Variants in IFFO2 observed in about 807,000 individuals in gnomAD.
IFFO2 encodes intermediate filament family orphan 2.
A neutral mutation model predicts 53.5 loss-of-function variants in IFFO2; 19 were observed. The ratio of observed to expected loss-of-function variants is 0.36; its 90% CI spans 0.25 to 0.52. IFFO2 has a LOEUF of 0.52. IFFO2 is among the 20% of genes least tolerant of loss of function. The probability of loss-of-function intolerance (pLI) is 0.94; values close to 1 mark genes in which losing one functional copy is unlikely to be tolerated. For synonymous variants in IFFO2, 303 were observed against 313.6 expected, an observed-to-expected ratio of 0.97 and a Z score of 0.36; for missense variants, 570 against 727.4, an observed-to-expected ratio of 0.78 and a Z score of 2.49.
chr1:18,927,259 C>T (rs2148175093), intron 1 of IFFO2, among the ~76,000 whole-genome samples: 1 of 152,280 alleles, frequency 6.6e-6, no homozygotes, highest in Non-Finnish European at 1.5e-5. Flanking sequence ...GGAAATGGCC[C>T]ACACCTTGCG....
chr1:18,942,541 T>C (rs971817455), intron 1 of IFFO2, among the ~76,000 whole-genome samples: 5 of 152,160 alleles, frequency 3.3e-5, no homozygotes, highest in African/African-American at 2.4e-5. Flanking sequence ...ATGAGAGAAC[T>C]GAGGCTCAGA....
chr1:18,911,864 TG>T, intron 6 of IFFO2, 98 bp downstream of exon 6: 2 of 1,425,878 alleles, frequency 1.4e-6, no homozygotes, highest in Non-Finnish European at 1.9e-6. Context: ...AGCTGTGTGG[TG>T]GGGGCTGTAG....
intron 1 of IFFO2, among the ~76,000 whole-genome samples, chr1:18,925,813 TGGA>T (rs1371396645): frequency 6.0e-5 from 2 of 33,422 alleles, no homozygotes; most frequent in Non-Finnish European, 5.7e-5. Flanking sequence ...ATTGGTTGGA[TGGA>T]TGGATGGATG....
rs556332480 is a variant in IFFO2 at position 18,909,201 on chromosome 1, T to C, written c.1449-535A>G. 6.6e-5 allele frequency among the ~76,000 whole-genome samples: 10 copies of C among 152,236 alleles called. No homozygotes were observed. In the East Asian group the frequency reaches 1.9e-3, roughly 29 times the overall value. ...GGTCTGAAAGGCAAGGCTACGGCCC[T>C]GCACACAGATCTGGCCCCCACAGAG... On this transcript the variant is annotated intron_variant, in intron 8 of 8. Transcript: ENST00000455833.
chr1:18,952,805 T>C (rs562317128), intron 1 of IFFO2, among the ~76,000 whole-genome samples: 1 of 152,350 alleles, frequency 6.6e-6, no homozygotes, highest in South Asian at 2.1e-4. Context: ...GTGAATTTAC[T>C]CATCTTGACT....
chr1:18,941,823 C>T (rs539554258), intron 1 of IFFO2, among the ~76,000 whole-genome samples: 6 of 152,334 alleles, frequency 3.9e-5, no homozygotes, highest in African/African-American at 1.4e-4. Context: ...TGAGACAGTC[C>T]ATGATCCCCA....
At chr1:18,951,765 G>C (rs1423157839) in intron 1 of IFFO2, among the ~76,000 whole-genome samples, 1 of 152,210 alleles carries the variant, frequency 6.6e-6, no homozygotes, top group Non-Finnish European at 1.5e-5. Flanking sequence ...CTGGGGATGG[G>C]ATGGCCAGCG....
intron 1 of IFFO2, among the ~76,000 whole-genome samples, chr1:18,925,888 GATGGA>G (rs1391002177): frequency 2.4e-5 from 1 of 41,204 alleles, no homozygotes; most frequent in African/African-American, 1.0e-4. Flanking sequence ...TGGATGGATG[GATGGA>G]TTGGATGGAT....
rs922587644 is a variant in IFFO2 at position 18,918,867 on chromosome 1, C to T, written c.823-365G>A. Among the ~76,000 whole-genome samples, 1 of 152,130 alleles carries T rather than the reference C, an allele frequency of 6.6e-6. No homozygotes were observed. The highest frequency in any genetic ancestry group is 6.5e-5 in the Admixed American group (1 of 15,286). ...TTCCCACCGGCACACCCCACCTGTC[C>T]CCCACACAGGCAGCTCTCTCTCCTG... On this transcript the variant is annotated intron_variant, in intron 3 of 8. Transcript: ENST00000455833. This position sits in a 1 kb window ranked among gnomAD's most constrained non-coding sequence, Gnocchi z 5.2.
Position 18,955,882 on chromosome 1 carries a change from G to T in IFFO2, c.451C>A (p.Pro151Thr). 1 of 1,364,484 alleles carries T rather than the reference G, an allele frequency of 7.3e-7. No individual in the cohort carries two copies. Among genetic ancestry groups the T allele is most frequent in the South Asian group, 1.8e-5 (1 of 55,396 alleles). 84.5% of individuals were successfully genotyped at this position (1,364,484 alleles called of 1,614,324 possible). The change falls in exon 1 of 9, where the codon CCG becomes ACG. Residue 151 changes from proline to threonine, a missense_variant. Transcript: ENST00000455833. ...CCGGGCAGGCGGCCGTAGTGCTGCG[G>T]GTGCGAGCCGCCGCCGGGGGGCAGG... Reference protein sequence around the residue: ...GGLPPGGGSHPQHYGRLPGTI... With the variant: ...GGLPPGGGSHTQHYGRLPGTI...
intron 1 of IFFO2, among the ~76,000 whole-genome samples, chr1:18,933,938 C>A (rs1476325879): frequency 6.6e-6 from 1 of 151,878 alleles, no homozygotes; most frequent in African/African-American, 2.4e-5. Context: ...CCCCTCTCCC[C>A]GCAGCCCCTG....
intron 1 of IFFO2, among the ~76,000 whole-genome samples, chr1:18,948,345 G>C (rs547479180): frequency 2.0e-5 from 3 of 152,324 alleles, no homozygotes; most frequent in Admixed American, 1.3e-4. Context: ...ATTACGGAGA[G>C]AACGTAGTCT....
chr1:18,942,863 G>C (rs1936537896), intron 1 of IFFO2, among the ~76,000 whole-genome samples: 1 of 147,218 alleles, frequency 6.8e-6, no homozygotes, highest in African/African-American at 2.5e-5. Flanking sequence ...TTTTGAGATG[G>C]AGTCTCATTC....
At chr1:18,921,226 C>G (rs1308294143) in intron 1 of IFFO2, 105 bp from the exon 2 acceptor site, 1 of 1,019,700 alleles carries the variant, frequency 9.8e-7, no homozygotes, top group African/African-American at 1.6e-5. Flanking sequence ...TTGAGCTGGG[C>G]AAGGAAGGTG....
chr1:18,926,059 TGG>T (rs1936290054), intron 1 of IFFO2, among the ~76,000 whole-genome samples: 1 of 55,286 alleles, frequency 1.8e-5, no homozygotes, highest in Admixed American at 1.4e-4. Context: ...ATGGATTGGT[TGG>T]ATGGATGGAT....
chr1:18,920,978 G>T, intron 2 of IFFO2, 83 bp downstream of exon 2: 1 of 1,254,368 alleles, frequency 8.0e-7, no homozygotes, highest in Non-Finnish European at 1.1e-6. Flanking sequence ...GAATTTCCTG[G>T]CTTTGCCGCA....
chr1:18,950,368 G>C (rs1056069805), intron 1 of IFFO2, among the ~76,000 whole-genome samples: 3 of 152,202 alleles, frequency 2.0e-5, no homozygotes, highest in Non-Finnish European at 4.4e-5. Context: ...CTGGGCTGGG[G>C]TGGAGGTAGG....
rs1936131987 is a variant in IFFO2 at position 18,916,274 on chromosome 1, G to A, written c.1103+629C>T. Among the ~76,000 whole-genome samples, 1 of 152,106 alleles carries A rather than the reference G, an allele frequency of 6.6e-6. No homozygotes were observed. Among genetic ancestry groups the A allele is most frequent in the Non-Finnish European group, 1.5e-5 (1 of 68,014 alleles). On this transcript the variant is annotated intron_variant, in intron 5 of 8. Transcript: ENST00000455833. This position sits in a 1 kb window ranked among gnomAD's most constrained non-coding sequence, Gnocchi z 4.3. ...CCCCTTCTCCCACCGCTTTTTTGGA[G>A]GAAGCTTTCGAAGGAAAGGCAGGAG...
rs1003156672 is a variant in IFFO2, at chr1:18,917,297, C to T, written c.964-255G>A. Among the ~76,000 whole-genome samples, 2 of 152,138 alleles carry T rather than the reference C, an allele frequency of 1.3e-5. No homozygotes were observed. Among genetic ancestry groups the T allele is most frequent in the African/African-American group, 4.8e-5 (2 of 41,424 alleles). The stretch of plus-strand genomic sequence containing the variant: ...GCCTGGTGGGTGCGCCGGCTCGGCT[C>T]GCCCTTTTACCACAGAAGCAGCCCC... On this transcript the variant is annotated intron_variant, in intron 4 of 8. Coordinates refer to ENST00000455833, the MANE Select transcript of IFFO2 (RefSeq NM_001136265.2). This position sits in a 1 kb window ranked among gnomAD's most constrained non-coding sequence, Gnocchi z 5.9.
Sources: allele counts gnomAD v4.1 joint callset (sites outside exome capture counted in the v4.1 genomes callset), GRCh38; gene constraint gnomAD v4.1.1; non-coding constraint Gnocchi (gnomAD v3.1); transcripts MANE v1.5; gene names NCBI Gene and HGNC (gene_info 2026-07-23, HGNC 2026-07-21).